LRP1B: variants seen among roughly 807,000 people sequenced by gnomAD.
LRP1B encodes LDL receptor related protein 1B.
A neutral mutation model predicts 556.6 loss-of-function variants in LRP1B; 217 were observed. The observed-to-expected ratio is 0.39, with a 90% CI of 0.35 to 0.44. The LOEUF is 0.44. Ranked by LOEUF, LRP1B falls within the 20% of genes least tolerant of loss-of-function variation. The probability of loss-of-function intolerance (pLI) is 1.00; values close to 1 mark genes in which losing one functional copy is unlikely to be tolerated. For missense variants in LRP1B, 5,053 were observed against 5,620.8 expected (o/e 0.90, Z 3.23); for synonymous variants, 2,047 against 1,865.8 (o/e 1.10, Z -2.50).
chr2:140,945,089 C>A (rs372428317), intron 20 of LRP1B, among the ~76,000 whole-genome samples: 1 of 152,090 alleles, frequency 6.6e-6, no homozygotes, highest in Admixed American at 6.6e-5. Context: ...ACATTAGTAG[C>A]ATTTTTATAC....
chr2:142,127,367 AATCCATCCATCC>A (rs71391674), intron 1 of LRP1B, among the ~76,000 whole-genome samples: 263 of 150,134 alleles, frequency 1.8e-3, no homozygotes, highest in African/African-American at 5.7e-3. Context: ...TGTATGGCAG[AATCCATCCATCC>A]ATCCATCCAT....
chr2:140,475,851 T>C (rs1687953141), intron 59 of LRP1B, among the ~76,000 whole-genome samples: 1 of 151,932 alleles, frequency 6.6e-6, no homozygotes, highest in African/African-American at 2.4e-5. Flanking sequence ...TGAAATGAAC[T>C]GTATTGCTCC....
intron 7 of LRP1B, among the ~76,000 whole-genome samples, chr2:141,169,471 A>C (rs968808705): frequency 6.6e-6 from 1 of 151,934 alleles, no homozygotes; most frequent in Non-Finnish European, 1.5e-5. Flanking sequence ...CTTATATCAG[A>C]ATGTTTTCCA....
chr2:141,499,636 A>T (rs1481059477), intron 2 of LRP1B, among the ~76,000 whole-genome samples: 1 of 152,076 alleles, frequency 6.6e-6, no homozygotes, highest in Non-Finnish European at 1.5e-5. Flanking sequence ...CAGATGTCAC[A>T]TTTTAAAAAT....
At chr2:141,807,459 G>A (rs1213653656) in intron 2 of LRP1B, among the ~76,000 whole-genome samples, 1 of 151,946 alleles carries the variant, frequency 6.6e-6, no homozygotes, top group Non-Finnish European at 1.5e-5. Flanking sequence ...TTGCCTTTAA[G>A]GATATTCAGC....
intron 2 of LRP1B, among the ~76,000 whole-genome samples, chr2:141,516,692 CTTTT>C (rs11316394): frequency 1.6e-5 from 2 of 124,584 alleles, no homozygotes; most frequent in Non-Finnish European, 3.3e-5. Context: ...CTCTCTCTCT[CTTTT>C]TTTTTTTTTT....
intron 3 of LRP1B, among the ~76,000 whole-genome samples, chr2:141,452,687 C>T (rs1220426959): frequency 6.6e-6 from 1 of 152,198 alleles, no homozygotes; most frequent in African/African-American, 2.4e-5. Context: ...GTTGTCACTA[C>T]TCTAGAATCA....
intron 2 of LRP1B, among the ~76,000 whole-genome samples, chr2:141,553,691 A>G (rs1314754363): frequency 7.1e-6 from 1 of 140,048 alleles, no homozygotes; most frequent in African/African-American, 2.6e-5. Flanking sequence ...ATCATATAGA[A>G]TATATATTAT....
chr2:141,182,095 A>T (rs1681026245), intron 7 of LRP1B, among the ~76,000 whole-genome samples: 1 of 152,020 alleles, frequency 6.6e-6, no homozygotes, highest in African/African-American at 2.4e-5. Flanking sequence ...TTGGTCTAAG[A>T]TAGGCAGATA....
At chr2:140,552,727 A>G (rs1381900185) in intron 43 of LRP1B, among the ~76,000 whole-genome samples, 3 of 152,116 alleles carry the variant, frequency 2.0e-5, no homozygotes, top group Non-Finnish European at 4.4e-5. Context: ...GCATAATCTT[A>G]AGGCACTTTT....
intron 7 of LRP1B, among the ~76,000 whole-genome samples, chr2:141,103,536 T>TCTCTCTCTCTCTCTCTCTC: frequency 1.4e-5 from 1 of 71,608 alleles, no homozygotes; most frequent in Non-Finnish European, 3.0e-5. Flanking sequence ...CTCTCTCTCT[T>TCTCTCTCTCTCTCTCTCTC]AAAAAGTTCA....
intron 20 of LRP1B, among the ~76,000 whole-genome samples, chr2:140,940,625 C>G (rs1323458734): frequency 6.6e-6 from 1 of 152,102 alleles, no homozygotes; most frequent in African/African-American, 2.4e-5. Context: ...AGGGACCCAG[C>G]CTTACTTATT....
chr2:142,094,338 A>C (rs1706280815), intron 1 of LRP1B, among the ~76,000 whole-genome samples: 1 of 152,062 alleles, frequency 6.6e-6, no homozygotes, highest in Non-Finnish European at 1.5e-5. Context: ...AGCTGGCTTT[A>C]ATGTTCAACC....
At chr2:140,311,154 T>C (rs1417302925) in intron 83 of LRP1B, among the ~76,000 whole-genome samples, 1 of 151,754 alleles carries the variant, frequency 6.6e-6, no homozygotes, top group Admixed American at 6.6e-5. Flanking sequence ...TACCATTTGA[T>C]ACAGCAATCC....
At chr2:141,257,701 T>A (rs1298158374) in intron 3 of LRP1B, among the ~76,000 whole-genome samples, 1 of 152,128 alleles carries the variant, frequency 6.6e-6, no homozygotes, top group East Asian at 1.9e-4. Context: ...ATGTGCAGAG[T>A]GATGACACGA....
chr2:140,781,793 G>A (rs1359213080), intron 32 of LRP1B, among the ~76,000 whole-genome samples: 1 of 152,126 alleles, frequency 6.6e-6, no homozygotes, highest in Non-Finnish European at 1.5e-5. Context: ...TTTCAGACTA[G>A]CACAGCCCAC....
chr2:140,377,676 T>C (rs1010662345), intron 68 of LRP1B, among the ~76,000 whole-genome samples: 5 of 152,190 alleles, frequency 3.3e-5, no homozygotes, highest in African/African-American at 1.2e-4. Flanking sequence ...CACTTAAAGC[T>C]GTGTGTACAT....
intron 7 of LRP1B, among the ~76,000 whole-genome samples, chr2:141,107,510 G>A (rs1472855941): frequency 2.0e-5 from 3 of 152,086 alleles, no homozygotes; most frequent in African/African-American, 7.2e-5. Flanking sequence ...GCTGGACATG[G>A]TGGTGTGTAC....
intron 20 of LRP1B, among the ~76,000 whole-genome samples, chr2:140,931,970 C>T (rs1489283759): frequency 6.6e-6 from 1 of 152,100 alleles, no homozygotes; most frequent in Admixed American, 6.5e-5. Flanking sequence ...GGATAGGCTA[C>T]ATTTGGAAAT....
Sources: gnomAD v4.1 joint callset for allele counts (sites outside exome capture counted in the v4.1 genomes callset) on GRCh38, gnomAD v4.1.1 for gene constraint, MANE v1.5 for transcripts, NCBI Gene and HGNC (gene_info 2026-07-23, HGNC 2026-07-21) for gene names.